TSC22D1: variants seen among roughly 807,000 people sequenced by gnomAD.
TSC22D1 encodes TSC22 domain family protein 1.
A neutral mutation model predicts 74.2 loss-of-function variants in TSC22D1; 9 were observed. The observed-to-expected ratio is 0.12, with a 90% CI of 0.07 to 0.21. The LOEUF (loss-of-function observed/expected upper bound fraction) is 0.21. Ranked by LOEUF, TSC22D1 falls within the 10% of genes least tolerant of loss-of-function variation. The pLI is 1.00. For synonymous variants in TSC22D1, 586 were observed against 492.5 expected (o/e 1.19, Z -2.51); for missense variants, 1,427 against 1,304.7 (o/e 1.09, Z -1.44).
intron 1 of TSC22D1, chr13:44,474,364 C>T (rs1877776970): frequency 4.1e-6 from 3 of 737,354 alleles, no homozygotes; most frequent in Non-Finnish European, 5.0e-6. Context: ...CCATCTGTCC[C>T]CTAAGGCAGT....
At chr13:44,454,082 A>G (rs796125226) in intron 1 of TSC22D1, among the ~76,000 whole-genome samples, 1 of 152,256 alleles carries the variant, frequency 6.6e-6, no homozygotes, top group Non-Finnish European at 1.5e-5. Context: ...ATCACCTATT[A>G]CGTAACCCAA....
At chr13:44,471,475 T>C (rs1260897054) in intron 1 of TSC22D1, among the ~76,000 whole-genome samples, 1 of 152,202 alleles carries the variant, frequency 6.6e-6, no homozygotes, top group Non-Finnish European at 1.5e-5. Context: ...CTGCAAAACT[T>C]ACTAGATAGC....
intron 1 of TSC22D1, among the ~76,000 whole-genome samples, chr13:44,469,884 A>G (rs1467675916): frequency 6.6e-6 from 1 of 152,180 alleles, no homozygotes; most frequent in Non-Finnish European, 1.5e-5. Flanking sequence ...TTTATCAGTT[A>G]TTTCCTGTGG....
chr13:44,497,368 TG>T (rs2137973670), intron 1 of TSC22D1, among the ~76,000 whole-genome samples: 1 of 152,304 alleles, frequency 6.6e-6, no homozygotes, highest in Admixed American at 6.5e-5. Context: ...AGCATATTGG[TG>T]GGTGCCAAGG....
chr13:44,563,804 G>A (rs1595171507), intron 1 of TSC22D1, among the ~76,000 whole-genome samples: 2 of 152,168 alleles, frequency 1.3e-5, no homozygotes, highest in African/African-American at 4.8e-5. Flanking sequence ...CTGTCTCGGC[G>A]AATTCACTTA....
chr13:44,445,315 A>G (rs952646061), intron 1 of TSC22D1, among the ~76,000 whole-genome samples: 11 of 131,694 alleles, frequency 8.4e-5, no homozygotes, highest in Admixed American at 1.6e-4. Flanking sequence ...AGCAAATGGT[A>G]CTGGAACAAC....
intron 1 of TSC22D1, among the ~76,000 whole-genome samples, chr13:44,440,996 A>G (rs1354968006): frequency 2.6e-5 from 4 of 152,258 alleles, no homozygotes; most frequent in African/African-American, 7.2e-5. Context: ...TTACTTGGCC[A>G]AATCATCATT....
chr13:44,437,306 T>A lies in TSC22D1; in HGVS notation c.2913-1211A>T, dbSNP rs559818089. 9.5e-5 allele frequency: 92 copies of A among 969,610 alleles called. No individual in the cohort carries two copies. The South Asian group carries it at 3.5e-3, about 37-fold the overall frequency. The allele number at this position is 969,610 out of a possible 1,614,324, so 60.1% of individuals were successfully genotyped here. ...AGTCCCACCACTGTAAGACTTCGAG[T>A]GTCTTGATTTCAATTATCTAGTTCT... On this transcript the variant is annotated intron_variant, in intron 1 of 2. Transcript: ENST00000458659.
rs530759901 is a variant in TSC22D1 at position 44,503,137 on chromosome 13, AAT to A, written c.2913-67044_2913-67043del. Among the ~76,000 whole-genome samples, 303 of 152,366 alleles carry A rather than the reference AAT, an allele frequency of 2.0e-3. 11 individuals carry two copies. The South Asian group carries it at 0.061, about 31-fold the overall frequency. ...AGTCATCAGTTGTTAGAGACATGCT[AAT>A]ATGTGTATATTAAACATTCTGAAAT... On this transcript the variant is annotated intron_variant, in intron 1 of 2. Transcript: ENST00000458659.
At chr13:44,436,715 G>A (rs1050070743) in intron 1 of TSC22D1, 1 of 1,515,786 alleles carries the variant, frequency 6.6e-7, no homozygotes, top group Non-Finnish European at 8.8e-7. Context: ...CTGGCTTTCC[G>A]CAGCCCAGGG....
chr13:44,438,821 A>T (rs1335197248), intron 1 of TSC22D1, among the ~76,000 whole-genome samples: 1 of 152,124 alleles, frequency 6.6e-6, no homozygotes, highest in Non-Finnish European at 1.5e-5. Flanking sequence ...TTACTACATG[A>T]TAGTCTCTAT....
At position 44,565,443 on chromosome 13, in the gene TSC22D1, T is replaced by C. The variant is rs374142526; in HGVS notation, c.2912+7720A>G. Among the ~76,000 whole-genome samples, 7 of 152,026 alleles carry C rather than the reference T, an allele frequency of 4.6e-5. No homozygotes were observed. In the East Asian group the frequency reaches 1.2e-3, roughly 25 times the overall value. On this transcript the variant is annotated intron_variant, in intron 1 of 2. Transcript: ENST00000458659. ...GTCAAATTGACTGGTAAAGAAGAAATGGAGTGGTGGAGGGCAGCTTTTGAA... is the reference window on the plus strand; with the variant it reads ...GTCAAATTGACTGGTAAAGAAGAAACGGAGTGGTGGAGGGCAGCTTTTGAA...
chr13:44,575,575 T>C lies in TSC22D1; in HGVS notation c.500A>G (p.Glu167Gly). Residue 167 changes from glutamate to glycine, a missense_variant, in exon 1 of 3, where the codon GAG becomes GGG. By Grantham distance (98) the Glu-to-Gly change is moderately conservative (BLOSUM62 -2). This residue lies in a region of TSC22D1 where 1,343 missense variants were observed against 1,191.5 expected (regional missense o/e 1.13). Coordinates refer to ENST00000458659, the MANE Select transcript of TSC22D1 (RefSeq NM_183422.4). The part of the protein sequence containing the change: ...VSLSRATDLG[E>G]PERSSSEETL... ...CTCTTCTGAGGAGCTGCGTTCGGGC[T>C]CCCCTAAGTCAGTAGCCCTGGAAAG... is the stretch of plus-strand genomic sequence containing the variant. 1 of 1,613,984 alleles carries C rather than the reference T, an allele frequency of 6.2e-7. No individual in the cohort carries two copies. Among genetic ancestry groups the C allele is most frequent in the South Asian group, 1.1e-5 (1 of 91,064 alleles).
chr13:44,482,983 A>G (rs1374950879), intron 1 of TSC22D1, among the ~76,000 whole-genome samples: 1 of 152,206 alleles, frequency 6.6e-6, no homozygotes, highest in Admixed American at 6.5e-5. Context: ...AAACTCAGAG[A>G]ATCTAACTTT....
chr13:44,452,803 T>G (rs1876250567), intron 1 of TSC22D1: 1 of 152,228 alleles, frequency 6.6e-6, no homozygotes, highest in Non-Finnish European at 1.5e-5. Flanking sequence ...AATCGAGGCA[T>G]TATTCACTCT....
At chr13:44,486,533 T>G (rs1878434653) in intron 1 of TSC22D1, among the ~76,000 whole-genome samples, 1 of 152,160 alleles carries the variant, frequency 6.6e-6, no homozygotes, top group Admixed American at 6.5e-5. Flanking sequence ...AATCTCTATA[T>G]TACTGTTAGG....
At chr13:44,499,666 G>T (rs1266722487) in intron 1 of TSC22D1, among the ~76,000 whole-genome samples, 1 of 152,142 alleles carries the variant, frequency 6.6e-6, no homozygotes, top group Non-Finnish European at 1.5e-5. Flanking sequence ...TCCCAGAAAA[G>T]ACCTCGGGCA....
intron 1 of TSC22D1, among the ~76,000 whole-genome samples, chr13:44,549,655 C>A (rs1882079255): frequency 6.6e-6 from 1 of 150,942 alleles, no homozygotes; most frequent in Non-Finnish European, 1.5e-5. Flanking sequence ...GTCCCAGCTA[C>A]TTGGAGAGGC....
intron 1 of TSC22D1, among the ~76,000 whole-genome samples, chr13:44,486,906 A>C (rs1878452298): frequency 6.6e-6 from 1 of 152,170 alleles, no homozygotes; most frequent in African/African-American, 2.4e-5. Context: ...AGAAATGCAG[A>C]TTTCTAAAAT....
Sources: gnomAD v4.1 joint callset for allele counts (sites outside exome capture counted in the v4.1 genomes callset) on GRCh38, gnomAD v4.1.1 for gene constraint, gnomAD v4.1.1 regional missense constraint, MANE v1.5 for transcripts, NCBI Gene and HGNC (gene_info 2026-07-23, HGNC 2026-07-21) for gene names.